GLRA3: variants seen among roughly 807,000 people sequenced by gnomAD.
GLRA3 encodes glycine receptor alpha 3.
In GLRA3, 44 loss-of-function variants were observed where a neutral mutation model predicts 60.4. That is an observed-to-expected ratio of 0.73 (90% CI 0.57 to 0.94). The LOEUF is 0.94. Among genes scored for constraint, GLRA3 ranks in the 40% least tolerant of loss-of-function variants. GLRA3 has a pLI of 0.00. For missense variants in GLRA3, 508 were observed against 564.6 expected (o/e 0.90, Z 1.02); for synonymous variants, 223 against 192.9 (o/e 1.16, Z -1.29).
intron 3 of GLRA3, among the ~76,000 whole-genome samples, chr4:174,739,283 G>A (rs771512166): frequency 1.2e-4 from 18 of 152,122 alleles, no homozygotes; most frequent in South Asian, 4.1e-4. Flanking sequence ...TTAGAGGAGA[G>A]AAAAGAAAAT....
intron 1 of GLRA3, among the ~76,000 whole-genome samples, chr4:174,806,951 C>A (rs1444167464): frequency 6.6e-6 from 1 of 151,816 alleles, no homozygotes; most frequent in Non-Finnish European, 1.5e-5. Flanking sequence ...AGGAATATAC[C>A]TTCTGTTGGA....
At chr4:174,758,277 C>A (rs1737797537) in intron 3 of GLRA3, among the ~76,000 whole-genome samples, 3 of 152,126 alleles carry the variant, frequency 2.0e-5, no homozygotes. Context: ...CAGACAGATA[C>A]CACCTCAGGG....
At chr4:174,750,901 T>C (rs1326874920) in intron 3 of GLRA3, among the ~76,000 whole-genome samples, 1 of 152,088 alleles carries the variant, frequency 6.6e-6, no homozygotes, top group Admixed American at 6.6e-5. Flanking sequence ...GCTTTACTGA[T>C]AGATGAATTA....
intron 5 of GLRA3, among the ~76,000 whole-genome samples, chr4:174,697,728 A>C (rs1249103956): frequency 6.6e-6 from 1 of 151,722 alleles, no homozygotes; most frequent in Non-Finnish European, 1.5e-5. Context: ...ATAATTTGTG[A>C]CCCCTAACTG....
rs377262401 is a variant in GLRA3 at position 174,828,817 on chromosome 4, G to A, written c.-6C>T. On this transcript the variant is annotated 5_prime_UTR_variant, in exon 1 of 10. Coordinates refer to ENST00000274093, the MANE Select transcript of GLRA3 (RefSeq NM_006529.4). ...AAGTGTCTCACGTGGGCCATGATAC[G>A]GAGAGATATTCACGATCCTGAAAAT... The A allele has an allele frequency of 1.0e-4, 162 of 1,592,598 alleles. No individual in the cohort carries two copies. The highest frequency in any genetic ancestry group is 9.9e-4 in the Middle Eastern group (6 of 6,032).
Position 174,780,682 on chromosome 4 carries a change from G to C in GLRA3, c.199+8134C>G, listed in dbSNP as rs1167954950. Reference sequence around the variant, plus strand: ...TGCAATCCTAGTCTCTGATAAAACAGACTTTAAACCAACAAAGATCAAAAG... The same window carrying C: ...TGCAATCCTAGTCTCTGATAAAACACACTTTAAACCAACAAAGATCAAAAG... On this transcript the variant is annotated intron_variant, in intron 2 of 9. Coordinates refer to ENST00000274093, the MANE Select transcript of GLRA3 (RefSeq NM_006529.4). 6.0e-3 allele frequency among the ~76,000 whole-genome samples: 914 copies of C among 151,302 alleles called. 6 individuals carry two copies. The highest frequency in any genetic ancestry group is 0.02 in the African/African-American group (836 of 41,134).
At chr4:174,677,775 T>C (rs553028188) in intron 6 of GLRA3, among the ~76,000 whole-genome samples, 3 of 152,342 alleles carry the variant, frequency 2.0e-5, no homozygotes, top group Non-Finnish European at 4.4e-5. Flanking sequence ...AGCAATGTAG[T>C]AAAGAGAGCG....
In GLRA3 at chr4:174,738,703, A is replaced by C. The variant is rs1363721645; in HGVS notation, c.268-10005T>G. Among the ~76,000 whole-genome samples the C allele has an allele frequency of 2.0e-5, 3 of 152,182 alleles. No individual in the cohort carries two copies. The South Asian group carries it at 6.2e-4, about 32-fold the overall frequency. ...CTTTTCTCTGTAAAATTAGCTTGCT[A>C]TTTATACTCGAATACTTTCATGACA... On this transcript the variant is annotated intron_variant, in intron 3 of 9. Coordinates refer to ENST00000274093, the MANE Select transcript of GLRA3 (RefSeq NM_006529.4).
intron 2 of GLRA3, among the ~76,000 whole-genome samples, chr4:174,771,270 T>C (rs1178972401): frequency 1.3e-5 from 2 of 151,960 alleles, no homozygotes; most frequent in East Asian, 3.8e-4. Flanking sequence ...GAAATTTCCG[T>C]CCTAAAAAAG....
chr4:174,708,800 A>T (rs1735606935), intron 5 of GLRA3, among the ~76,000 whole-genome samples: 2 of 147,744 alleles, frequency 1.4e-5, no homozygotes, highest in Non-Finnish European at 3.0e-5. Context: ...GATTAAAAAA[A>T]TCCTTCCTGG....
intron 3 of GLRA3, among the ~76,000 whole-genome samples, chr4:174,750,068 G>A (rs1737407324): frequency 6.6e-6 from 1 of 152,066 alleles, no homozygotes; most frequent in African/African-American, 2.4e-5. Flanking sequence ...CCCTCATGGA[G>A]TAGATCTCTG....
chr4:174,643,127 TTGTGACTGTAAC>T lies in GLRA3; in HGVS notation c.*647_*658del. The T allele has an allele frequency of 1.1e-6, 1 of 894,710 alleles. No individual in the cohort carries two copies. Among genetic ancestry groups the T allele is most frequent in the Non-Finnish European group, 1.3e-6 (1 of 748,220 alleles). 55.4% of individuals were successfully genotyped at this position (894,710 alleles called of 1,614,324 possible). ...AGATACAAAGTTTAAGAAAAGTAGA[TTGTGACTGTAAC>T]ACGATCTCTTGTTATTTGTTTTAAA... On this transcript the variant is annotated 3_prime_UTR_variant, in exon 10 of 10. Transcript: ENST00000274093.
intron 2 of GLRA3, among the ~76,000 whole-genome samples, chr4:174,778,827 C>A (rs566361030): frequency 6.6e-6 from 1 of 152,112 alleles, no homozygotes; most frequent in South Asian, 2.1e-4. Flanking sequence ...TCCTACCCCA[C>A]GGAGTCTCGC....
chr4:174,772,698 G>A (rs1252359599), intron 2 of GLRA3, among the ~76,000 whole-genome samples: 1 of 152,080 alleles, frequency 6.6e-6, no homozygotes, highest in African/African-American at 2.4e-5. Flanking sequence ...AAGGTATTTG[G>A]GATTTACTTT....
At chr4:174,645,578 A>G (rs1341043245) in intron 9 of GLRA3, among the ~76,000 whole-genome samples, 1 of 152,142 alleles carries the variant, frequency 6.6e-6, no homozygotes, top group Non-Finnish European at 1.5e-5. Context: ...TAAAATAGTT[A>G]TTTTGGGAAT....
At chr4:174,735,045 A>C (rs1736714768) in intron 3 of GLRA3, among the ~76,000 whole-genome samples, 1 of 152,140 alleles carries the variant, frequency 6.6e-6, no homozygotes, top group South Asian at 2.1e-4. Flanking sequence ...TCTCCCGCTA[A>C]GGTGCTGCAC....
In GLRA3 at chr4:174,738,589, T is replaced by A. The variant is rs541813954; in HGVS notation, c.268-9891A>T. Among the ~76,000 whole-genome samples, 8 of 152,382 alleles carry A rather than the reference T, an allele frequency of 5.2e-5. No individual in the cohort carries two copies. The South Asian group carries it at 1.7e-3, about 32-fold the overall frequency. Reference sequence around the variant, plus strand: ...AAATCCTAGTGTAGGTTTAGCATAATGTTGCAGCTGAAACTTTTAGAAATA... The same window carrying A: ...AAATCCTAGTGTAGGTTTAGCATAAAGTTGCAGCTGAAACTTTTAGAAATA... On this transcript the variant is annotated intron_variant, in intron 3 of 9. Coordinates refer to ENST00000274093, the MANE Select transcript of GLRA3 (RefSeq NM_006529.4).
chr4:174,778,516 C>G (rs898407911), intron 2 of GLRA3, among the ~76,000 whole-genome samples: 3 of 152,118 alleles, frequency 2.0e-5, no homozygotes. Context: ...CAGCTCCCAG[C>G]GTGACCGATG....
At chr4:174,738,788 G>A (rs993107398) in intron 3 of GLRA3, among the ~76,000 whole-genome samples, 1 of 152,210 alleles carries the variant, frequency 6.6e-6, no homozygotes, top group Non-Finnish European at 1.5e-5. Context: ...TACCAGTGGT[G>A]TATTGTAGGA....
Sources: gnomAD v4.1 joint callset for allele counts (sites outside exome capture counted in the v4.1 genomes callset) on GRCh38, gnomAD v4.1.1 for gene constraint, MANE v1.5 for transcripts, NCBI Gene and HGNC (gene_info 2026-07-23, HGNC 2026-07-21) for gene names.